CTNNA3: variants seen among roughly 807,000 people sequenced by gnomAD.
CTNNA3 encodes the protein catenin alpha-3.
CTNNA3 carries 76 observed loss-of-function variants against 95.7 expected under a neutral mutation model. The observed-to-expected ratio is 0.79, with a 90% CI of 0.66 to 0.96. The LOEUF (loss-of-function observed/expected upper bound fraction) is 0.96. Ranked by LOEUF, CTNNA3 falls within the 40% of genes least tolerant of loss-of-function variation. The pLI, the probability that CTNNA3 is intolerant of heterozygous loss-of-function variation, is 0.00. For missense variants in CTNNA3, 1,191 were observed against 1,089.8 expected (o/e 1.09, Z -1.31); for synonymous variants, 431 against 374.4 (o/e 1.15, Z -1.74).
intron 12 of CTNNA3, among the ~76,000 whole-genome samples, chr10:66,321,520 T>C (rs1329982460): frequency 6.6e-6 from 1 of 152,152 alleles, no homozygotes; most frequent in Non-Finnish European, 1.5e-5. Flanking sequence ...ATTCAAGTTA[T>C]TCTCAACAAT....
At chr10:66,197,949 G>A (rs1211948062) in intron 13 of CTNNA3, among the ~76,000 whole-genome samples, 2 of 152,128 alleles carry the variant, frequency 1.3e-5, no homozygotes, top group Non-Finnish European at 2.9e-5. Flanking sequence ...ATAACTCTAA[G>A]GAGGCAAAGG....
intron 6 of CTNNA3, among the ~76,000 whole-genome samples, chr10:67,188,878 G>A (rs192906936): frequency 6.6e-6 from 1 of 152,138 alleles, no homozygotes; most frequent in Admixed American, 6.6e-5. Flanking sequence ...GGGAGGCTGA[G>A]GTGGGTGGCT....
At chr10:65,923,060 G>GAA (rs2077115195) in intron 17 of CTNNA3, among the ~76,000 whole-genome samples, 2 of 152,092 alleles carry the variant, frequency 1.3e-5, no homozygotes, top group African/African-American at 4.8e-5. Flanking sequence ...CAATATGTGG[G>GAA]GAATTACAGG....
chr10:66,019,536 G>C (rs16922315), intron 15 of CTNNA3, among the ~76,000 whole-genome samples: 4,739 of 152,046 alleles, frequency 0.031, 105 homozygotes, highest in East Asian at 0.066. Flanking sequence ...TATGCCTAAA[G>C]TTTTGATTTT....
chr10:66,627,643 T>C (rs1032108091), intron 9 of CTNNA3, among the ~76,000 whole-genome samples: 1 of 152,056 alleles, frequency 6.6e-6, no homozygotes, highest in East Asian at 1.9e-4. Context: ...ATTATTTCTG[T>C]GAAAGGCAAC....
intron 5 of CTNNA3, among the ~76,000 whole-genome samples, chr10:67,259,241 A>G (rs754335689): frequency 2.6e-5 from 4 of 152,174 alleles, no homozygotes; most frequent in Non-Finnish European, 4.4e-5. Context: ...CATTCTGCGG[A>G]GTGAAACCCA....
intron 5 of CTNNA3, among the ~76,000 whole-genome samples, chr10:67,400,500 C>A (rs893427849): frequency 2.0e-5 from 3 of 152,106 alleles, no homozygotes; most frequent in Non-Finnish European, 4.4e-5. Context: ...AAATGGGCAT[C>A]CTGATATTCA....
intron 10 of CTNNA3, among the ~76,000 whole-genome samples, chr10:66,526,275 T>C (rs1841256443): frequency 6.6e-6 from 1 of 152,100 alleles, no homozygotes; most frequent in South Asian, 2.1e-4. Context: ...AACTTCCACC[T>C]CTCAGGCTCA....
chr10:66,102,177 C>G (rs1274220205), intron 14 of CTNNA3, among the ~76,000 whole-genome samples: 1 of 152,080 alleles, frequency 6.6e-6, no homozygotes, highest in Admixed American at 6.5e-5. Flanking sequence ...TAGGAATTTG[C>G]TTCCATCTCC....
intron 3 of CTNNA3, among the ~76,000 whole-genome samples, chr10:67,558,665 C>T (rs531955691): frequency 5.1e-4 from 78 of 152,268 alleles, no homozygotes; most frequent in African/African-American, 1.4e-3. Context: ...GCACTGTGCG[C>T]GAGCCAAAGC....
rs935973739 is a variant in CTNNA3 at position 66,378,035 on chromosome 10, G to A, written c.1732+1117C>T. Among the ~76,000 whole-genome samples the A allele has an allele frequency of 2.3e-5, 3 of 129,886 alleles. No homozygotes were observed. The East Asian group carries it at 9.6e-4, about 41-fold the overall frequency. 85.2% of individuals were successfully genotyped at this position (129,886 alleles called of 152,430 possible). A position where few individuals can be genotyped will look rare whatever the true frequency, so the allele number is the denominator to read the frequency against. On this transcript the variant is annotated intron_variant, in intron 12 of 17. Coordinates refer to ENST00000433211, the MANE Select transcript of CTNNA3 (RefSeq NM_013266.4). ...CATACCAAGATTCATCAATGATTTT[G>A]TTTATCAACTTGCTAGAAAAACAGC...
At chr10:67,244,992 T>C (rs962957085) in intron 5 of CTNNA3, among the ~76,000 whole-genome samples, 1 of 152,154 alleles carries the variant, frequency 6.6e-6, no homozygotes, top group African/African-American at 2.4e-5. Flanking sequence ...GAAAATCCCA[T>C]CAGTTTTACC....
chr10:67,091,330 T>C (rs922718306), intron 7 of CTNNA3, among the ~76,000 whole-genome samples: 9 of 151,896 alleles, frequency 5.9e-5, no homozygotes, highest in Non-Finnish European at 1.3e-4. Flanking sequence ...AAAGACAGTG[T>C]GATACATACA....
At position 67,239,226 on chromosome 10, in the gene CTNNA3, G is replaced by A. The variant is rs145405801; in HGVS notation, c.580-19356C>T. ...CCCAGCTATTTCATTCCTAGGAGAGGATACACACATATGGAAATATGTTCC... is the reference window on the plus strand; with the variant it reads ...CCCAGCTATTTCATTCCTAGGAGAGAATACACACATATGGAAATATGTTCC... On this transcript the variant is annotated intron_variant, in intron 5 of 17. Transcript: ENST00000433211. Among the ~76,000 whole-genome samples the A allele has an allele frequency of 2.6e-3, 390 of 152,052 alleles. 2 individuals are homozygous for A. The highest frequency in any genetic ancestry group is 8.9e-3 in the African/African-American group (371 of 41,498).
At chr10:67,181,158 T>C (rs1862521110) in intron 6 of CTNNA3, among the ~76,000 whole-genome samples, 1 of 152,194 alleles carries the variant, frequency 6.6e-6, no homozygotes, top group Admixed American at 6.5e-5. Flanking sequence ...TCATAAACTT[T>C]AGTTAACTTT....
intron 1 of CTNNA3, among the ~76,000 whole-genome samples, chr10:67,692,950 T>A (rs1840897546): frequency 6.6e-6 from 1 of 152,132 alleles, no homozygotes; most frequent in Non-Finnish European, 1.5e-5. Flanking sequence ...TGCCTTCTCC[T>A]TCAAATCAAT....
At chr10:66,565,230 T>C (rs1401026529) in intron 10 of CTNNA3, among the ~76,000 whole-genome samples, 21 of 152,304 alleles carry the variant, frequency 1.4e-4, no homozygotes, top group African/African-American at 4.8e-4. Context: ...TGTTGTTAGG[T>C]ACTACTTGAT....
intron 5 of CTNNA3, among the ~76,000 whole-genome samples, chr10:67,309,370 G>A (rs574638724): frequency 6.6e-6 from 1 of 152,254 alleles, no homozygotes; most frequent in Admixed American, 6.5e-5. Flanking sequence ...AGTCTAAAGA[G>A]CTTCATAAAC....
Position 67,219,676 on chromosome 10 carries a change from C to T in CTNNA3, c.774G>A (p.Gly258=), listed in dbSNP as rs759502821. ...CTGGTGGGGTTGTCATATTCTGGAT[C>T]CCTTGTGAAGCATTTGAAATTACAT... The part of the protein sequence containing the change: ...ALNVISNASQ[G]IQNMTTPPEP... Residue 258 remains glycine (G), a synonymous_variant, in exon 6 of 18, where the codon GGG becomes GGA. Coordinates refer to ENST00000433211, the MANE Select transcript of CTNNA3 (RefSeq NM_013266.4). The T allele has an allele frequency of 3.1e-6, 5 of 1,613,990 alleles. No individual in the cohort carries two copies. In the South Asian group the frequency reaches 5.5e-5, roughly 18 times the overall value.
Sources: gnomAD v4.1 joint callset for allele counts (sites outside exome capture counted in the v4.1 genomes callset) on GRCh38, gnomAD v4.1.1 for gene constraint, MANE v1.5 for transcripts, NCBI Gene and HGNC (gene_info 2026-07-23, HGNC 2026-07-21) for gene names.